NXPH1: variants seen among roughly 807,000 people sequenced by gnomAD.
NXPH1 encodes neurexophilin 1.
A neutral mutation model predicts 23.7 loss-of-function variants in NXPH1; 5 were observed. The observed-to-expected ratio is 0.21, with a 90% CI of 0.11 to 0.44. NXPH1 has a LOEUF of 0.44. Among genes scored for constraint, NXPH1 ranks in the 20% least tolerant of loss-of-function variants. The pLI, the probability that NXPH1 is intolerant of heterozygous loss-of-function variation, is 0.99. For missense variants in NXPH1, 324 were observed against 321.6 expected (o/e 1.01, Z -0.06); for synonymous variants, 144 against 122.2 (o/e 1.18, Z -1.18).
In NXPH1 at chr7:8,531,898, T is replaced by C. The variant is rs369531976; in HGVS notation, c.54+96131T>C. Among the ~76,000 whole-genome samples the C allele has an allele frequency of 7.2e-5, 11 of 152,294 alleles. No individual in the cohort carries two copies. The East Asian group carries it at 1.7e-3, about 24-fold the overall frequency. On this transcript the variant is annotated intron_variant, in intron 2 of 2. Coordinates refer to ENST00000405863, the MANE Select transcript of NXPH1 (RefSeq NM_152745.3). The stretch of plus-strand genomic sequence containing the variant: ...TGTCTCATAGTAGGTATCTCACATA[T>C]GGTTGGATCTTATTACCAGGACCTG...
chr7:8,687,259 T>C (rs1157387672), intron 2 of NXPH1, among the ~76,000 whole-genome samples: 3 of 152,088 alleles, frequency 2.0e-5, no homozygotes, highest in Admixed American at 6.6e-5. Flanking sequence ...GATTGGGCAC[T>C]GCCTGAGTGA....
intron 2 of NXPH1, among the ~76,000 whole-genome samples, chr7:8,476,040 C>G (rs2128609122): frequency 6.6e-6 from 1 of 152,224 alleles, no homozygotes; most frequent in Middle Eastern, 3.4e-3. Context: ...GCTAATATTG[C>G]TCTTACATGA....
chr7:8,536,306 G>C (rs552189502), intron 2 of NXPH1, among the ~76,000 whole-genome samples: 2 of 152,040 alleles, frequency 1.3e-5, no homozygotes, highest in African/African-American at 2.4e-5. Flanking sequence ...ATTGAGGGGA[G>C]TAAACATGGG....
intron 2 of NXPH1, among the ~76,000 whole-genome samples, chr7:8,624,690 A>C (rs1460868094): frequency 6.6e-6 from 1 of 152,198 alleles, no homozygotes; most frequent in Non-Finnish European, 1.5e-5. Context: ...AGTAAAGATA[A>C]AGAGAACAGT....
intron 2 of NXPH1, among the ~76,000 whole-genome samples, chr7:8,500,720 AC>A (rs1298771825): frequency 6.6e-6 from 1 of 152,104 alleles, no homozygotes; most frequent in African/African-American, 2.4e-5. Flanking sequence ...AACCACTGGA[AC>A]CAGCTGATGC....
chr7:8,526,984 C>T (rs1467916931), intron 2 of NXPH1, among the ~76,000 whole-genome samples: 1 of 152,108 alleles, frequency 6.6e-6, no homozygotes, highest in Non-Finnish European at 1.5e-5. Context: ...GTCAGGACCA[C>T]TCTGATGATA....
chr7:8,744,025 A>G (rs1041767672), intron 2 of NXPH1, among the ~76,000 whole-genome samples: 1 of 152,084 alleles, frequency 6.6e-6, no homozygotes, highest in Non-Finnish European at 1.5e-5. Flanking sequence ...TCCACCATCC[A>G]ATGGTGGTTT....
intron 2 of NXPH1, among the ~76,000 whole-genome samples, chr7:8,577,121 C>T (rs1003545380): frequency 3.3e-5 from 5 of 152,000 alleles, no homozygotes; most frequent in Non-Finnish European, 7.4e-5. Flanking sequence ...TCAAATCCTC[C>T]CTGTATTGTT....
chr7:8,554,278 G>A (rs956528594), intron 2 of NXPH1, among the ~76,000 whole-genome samples: 1 of 151,598 alleles, frequency 6.6e-6, no homozygotes, highest in Non-Finnish European at 1.5e-5. Context: ...TAATAGCCAG[G>A]GGCAATCCTT....
intron 2 of NXPH1, among the ~76,000 whole-genome samples, chr7:8,628,741 T>C (rs902228397): frequency 1.3e-5 from 2 of 152,028 alleles, no homozygotes; most frequent in Admixed American, 1.3e-4. Flanking sequence ...AAATGAATGT[T>C]TTCTGGATAA....
chr7:8,751,588 A>T lies in NXPH1; in HGVS notation c.635A>T (p.Tyr212Phe). ...DKATKNTLCN[Y>F]DPSKTCYQEQ... Reference sequence around the variant, plus strand: ...GCTACCAAGAACACACTCTGCAACTATGACCCTTCAAAAACCTGTTACCAG... The same window carrying T: ...GCTACCAAGAACACACTCTGCAACTTTGACCCTTCAAAAACCTGTTACCAG... The change falls in exon 3 of 3, where the codon TAT becomes TTT. Residue 212 changes from tyrosine to phenylalanine, a missense_variant. By Grantham distance (22) the Tyr-to-Phe change is conservative. Transcript: ENST00000405863. The surrounding 1 kb of genome is among the most constrained non-coding windows in gnomAD (Gnocchi z 4.5). The T allele has an allele frequency of 6.2e-7, 1 of 1,613,550 alleles. No individual in the cohort carries two copies. The highest frequency in any genetic ancestry group is 8.5e-7 in the Non-Finnish European group (1 of 1,179,748).
chr7:8,443,024 T>G (rs1816328469), intron 2 of NXPH1, among the ~76,000 whole-genome samples: 1 of 152,196 alleles, frequency 6.6e-6, no homozygotes, highest in African/African-American at 2.4e-5. Context: ...GTGCCAGCAG[T>G]AGGGCCTGCC....
chr7:8,597,393 T>C (rs565092959), intron 2 of NXPH1, among the ~76,000 whole-genome samples: 17 of 152,128 alleles, frequency 1.1e-4, no homozygotes, highest in African/African-American at 4.1e-4. Flanking sequence ...GGTGGGCAAG[T>C]GGGTGGATGG....
chr7:8,662,195 CAT>C (rs536366056), intron 2 of NXPH1, among the ~76,000 whole-genome samples: 49 of 150,952 alleles, frequency 3.2e-4, no homozygotes, highest in African/African-American at 1.2e-3. Flanking sequence ...TATATACACA[CAT>C]ATATATATAC....
intron 2 of NXPH1, among the ~76,000 whole-genome samples, chr7:8,620,827 T>G (rs1433265074): frequency 1.3e-5 from 2 of 152,230 alleles, no homozygotes; most frequent in South Asian, 2.1e-4. Flanking sequence ...AAAGGCCTCA[T>G]GGGGACAAGG....
chr7:8,581,113 G>A (rs1051886059), intron 2 of NXPH1, among the ~76,000 whole-genome samples: 9 of 152,040 alleles, frequency 5.9e-5, no homozygotes, highest in African/African-American at 2.2e-4. Flanking sequence ...AGAATTTTCA[G>A]GTTTATTGAA....
At chr7:8,680,835 G>A (rs1346333218) in intron 2 of NXPH1, among the ~76,000 whole-genome samples, 2 of 152,204 alleles carry the variant, frequency 1.3e-5, no homozygotes, top group African/African-American at 4.8e-5. Context: ...GCAATAAAGT[G>A]CTAAAACAGC....
intron 2 of NXPH1, among the ~76,000 whole-genome samples, chr7:8,655,407 TCTCTCTCTCTCTC>T (rs1820559994): frequency 1.4e-3 from 14 of 10,368 alleles, no homozygotes; most frequent in African/African-American, 4.2e-3. Flanking sequence ...TCTTTCTCTC[TCTCTCTCTCTCTC>T]TCTCTCTCTC....
At chr7:8,547,014 G>T (rs183070183) in intron 2 of NXPH1, among the ~76,000 whole-genome samples, 1 of 151,450 alleles carries the variant, frequency 6.6e-6, no homozygotes, top group Non-Finnish European at 1.5e-5. Flanking sequence ...AAATTGGGAA[G>T]TAGGAGTACT....
Sources: gnomAD v4.1 joint callset for allele counts (sites outside exome capture counted in the v4.1 genomes callset) on GRCh38, gnomAD v4.1.1 for gene constraint, Gnocchi (gnomAD v3.1) non-coding constraint, MANE v1.5 for transcripts, NCBI Gene and HGNC (gene_info 2026-07-23, HGNC 2026-07-21) for gene names.